The following ZNF266 variants were observed in gnomAD, a reference collection of about 807,000 sequenced individuals.
ZNF266 encodes zinc finger protein 1.
A neutral mutation model predicts 16.4 loss-of-function variants in ZNF266; 16 were observed. The observed-to-expected ratio is 0.98, with a 90% confidence interval of 0.66 to 1.48. The LOEUF is 1.48. Ranked by LOEUF, ZNF266 falls within the 40% of genes most tolerant of loss-of-function variation. ZNF266 has a pLI of 0.00. For missense variants in ZNF266, 738 were observed against 689.1 expected (o/e 1.07, Z -0.79); for synonymous variants, 262 against 237.9 (o/e 1.10, Z -0.93).
intron 10 of ZNF266, 47 bp downstream of exon 10, chr19:9,415,607 A>T (rs767836448): frequency 1.4e-6 from 2 of 1,461,416 alleles, no homozygotes; most frequent in East Asian, 4.6e-5. Context: ...TGGAATCCCC[A>T]ATCATCTCTA....
At chr19:9,422,837 T>C (rs1002646079) in intron 5 of ZNF266, among the ~76,000 whole-genome samples, 5 of 152,220 alleles carry the variant, frequency 3.3e-5, no homozygotes, top group Non-Finnish European at 7.3e-5. Context: ...GTTGACAAGA[T>C]GCATGCATAC....
At chr19:9,430,324 T>C (rs1317816448) in intron 5 of ZNF266, among the ~76,000 whole-genome samples, 2 of 152,078 alleles carry the variant, frequency 1.3e-5, no homozygotes, top group Admixed American at 6.6e-5. Flanking sequence ...GGGCTCAGAC[T>C]TTCCTGGATG....
At position 9,413,453 on chromosome 19, in the gene ZNF266, G is replaced by C; in HGVS notation, c.1673C>G (p.Pro558Arg). Residue 558 changes from proline (P) to arginine (R), a missense_variant, in exon 11 of 11, where the codon CCC becomes CGC. Pro to Arg is a moderately radical substitution (Grantham distance 103, BLOSUM62 -2). Coordinates refer to ENST00000592904, the MANE Select transcript of ZNF266 (RefSeq NM_001370374.1). ...LHMRIHTGEK[P>R]YKCKQCGKSF... ...TTTCCCACACTGTTTACATTTGTAG[G>C]GTTTTTCTCCAGTGTGGATCCGCAT... The C allele has an allele frequency of 6.2e-7, 1 of 1,614,098 alleles. No individual in the cohort carries two copies. The highest frequency in any genetic ancestry group is 8.5e-7 in the Non-Finnish European group (1 of 1,180,020).
chr19:9,423,941 G>A (rs2070318072), intron 5 of ZNF266, among the ~76,000 whole-genome samples: 2 of 152,142 alleles, frequency 1.3e-5, no homozygotes, highest in South Asian at 2.1e-4. Flanking sequence ...AGGTTGCAGT[G>A]AGCCGAGATT....
At chr19:9,424,902 C>T (rs1012931594) in intron 5 of ZNF266, among the ~76,000 whole-genome samples, 6 of 152,124 alleles carry the variant, frequency 3.9e-5, no homozygotes, top group Admixed American at 3.9e-4. Context: ...TTTAATTATT[C>T]CAAAGAAATT....
chr19:9,432,716 A>C (rs1010357703), intron 5 of ZNF266, among the ~76,000 whole-genome samples: 2 of 152,176 alleles, frequency 1.3e-5, no homozygotes, highest in Non-Finnish European at 2.9e-5. Flanking sequence ...ACATTTAAGA[A>C]AGACTAATAA....
At chr19:9,418,778 C>T in intron 7 of ZNF266, 147 bp from the exon 8 acceptor site, 1 of 552,808 alleles carries the variant, frequency 1.8e-6, no homozygotes, top group South Asian at 2.2e-5. Flanking sequence ...TCAGTCCCCT[C>T]CAGTGACACG....
intron 5 of ZNF266, among the ~76,000 whole-genome samples, chr19:9,428,845 C>A (rs888860168): frequency 6.6e-6 from 1 of 152,124 alleles, no homozygotes; most frequent in Admixed American, 6.6e-5. Context: ...TTATTCCCTT[C>A]AGAGTTACAG....
At chr19:9,430,869 CCTCT>C (rs1430161767) in intron 5 of ZNF266, among the ~76,000 whole-genome samples, 8 of 152,228 alleles carry the variant, frequency 5.3e-5, no homozygotes, top group Admixed American at 4.6e-4. Context: ...TCCCACAGGT[CCTCT>C]CTGTCTCATT....
At chr19:9,432,017 G>A (rs996367060) in intron 5 of ZNF266, among the ~76,000 whole-genome samples, 7 of 152,140 alleles carry the variant, frequency 4.6e-5, no homozygotes, top group East Asian at 1.9e-4. Context: ...GTGCAGTAGC[G>A]CAATCTCAGC....
chr19:9,422,380 C>G (rs559795012), intron 5 of ZNF266, among the ~76,000 whole-genome samples: 4 of 152,162 alleles, frequency 2.6e-5, no homozygotes, highest in Non-Finnish European at 4.4e-5. Flanking sequence ...TTAAAGTACA[C>G]CCAGACTACA....
chr19:9,412,433 C>T lies in ZNF266; in HGVS notation c.*842G>A, dbSNP rs1450223492. ...ATAGCTAATGAACGGAAAAAATAAT[C>T]ACAAAAAAATTTTATTATGTTTGAA... is the stretch of plus-strand genomic sequence containing the variant. On this transcript the variant is annotated 3_prime_UTR_variant, in exon 11 of 11. Transcript: ENST00000592904. Among the ~76,000 whole-genome samples, 1 of 152,122 alleles carries T rather than the reference C, an allele frequency of 6.6e-6. No homozygotes were observed. The highest frequency in any genetic ancestry group is 2.4e-5 in the African/African-American group (1 of 41,426).
chr19:9,413,448 T>C lies in ZNF266; in HGVS notation c.1678A>G (p.Lys560Glu). Residue 560 changes from lysine to glutamate, a missense_variant, in exon 11 of 11, where the codon AAA (lysine) becomes GAA (glutamate). By Grantham distance (56) the Lys-to-Glu change is moderately conservative. Coordinates refer to ENST00000592904, the MANE Select transcript of ZNF266 (RefSeq NM_001370374.1). ...MRIHTGEKPYKCKQCGKSFSY... is the reference protein window; with the variant it reads ...MRIHTGEKPYECKQCGKSFSY... The stretch of plus-strand genomic sequence containing the variant: ...AAGGATTTCCCACACTGTTTACATT[T>C]GTAGGGTTTTTCTCCAGTGTGGATC... 1 of 1,613,654 alleles carries C rather than the reference T, an allele frequency of 6.2e-7. No individual in the cohort carries two copies. Among genetic ancestry groups the C allele is most frequent in the Non-Finnish European group, 8.5e-7 (1 of 1,179,912 alleles).
intron 5 of ZNF266, among the ~76,000 whole-genome samples, chr19:9,429,037 GT>G (rs1426614022): frequency 1.3e-5 from 2 of 151,958 alleles, no homozygotes; most frequent in Non-Finnish European, 2.9e-5. Context: ...CCCAACCCAT[GT>G]TTCATTTCTT....
intron 9 of ZNF266, among the ~76,000 whole-genome samples, chr19:9,417,342 A>C (rs2069194159): frequency 6.6e-6 from 1 of 152,186 alleles, no homozygotes; most frequent in African/African-American, 2.4e-5. Flanking sequence ...ACTGCACTAC[A>C]GCCTGGGTGA....
chr19:9,424,427 G>C (rs546960532), intron 5 of ZNF266, among the ~76,000 whole-genome samples: 1 of 152,216 alleles, frequency 6.6e-6, no homozygotes, highest in South Asian at 2.1e-4. Context: ...CAGAGGATTC[G>C]GACTCTGGGC....
chr19:9,421,041 AT>A (rs2069795725), intron 5 of ZNF266, among the ~76,000 whole-genome samples: 1 of 152,066 alleles, frequency 6.6e-6, no homozygotes, highest in Non-Finnish European at 1.5e-5. Flanking sequence ...ATTTAATAAA[AT>A]TTATACAATT....
In ZNF266 at chr19:9,417,831, G is replaced by A; in HGVS notation, c.313C>T (p.Gln105Ter). 6.2e-7 allele frequency: 1 copy of A among 1,613,340 alleles called. No individual in the cohort carries two copies. Among genetic ancestry groups the A allele is most frequent in the South Asian group, 1.1e-5 (1 of 91,030 alleles). Residue 105 changes from glutamine to a stop codon, truncating the protein, a stop_gained, in exon 9 of 11, where the codon CAA (glutamine) becomes TAA (stop). Transcript: ENST00000592904. LOFTEE classifies it high-confidence loss of function. Reference sequence around the variant, plus strand: ...GCGGTCCTTTGTGAACACTCACCTTGGAAATCACCTCTCTGCACTGTCCTA... The same window carrying A: ...GCGGTCCTTTGTGAACACTCACCTTAGAAATCACCTCTCTGCACTGTCCTA... ...ESRTVQRGDF[Q>*]ASEWKVQLKT... is the part of the protein sequence containing the mutation.
chr19:9,431,575 G>A (rs2071595667), intron 5 of ZNF266, among the ~76,000 whole-genome samples: 1 of 152,232 alleles, frequency 6.6e-6, no homozygotes, highest in Non-Finnish European at 1.5e-5. Context: ...GTGTGCCCCA[G>A]AGGTGTGTTT....
Sources: gnomAD v4.1 joint callset for allele counts (sites outside exome capture counted in the v4.1 genomes callset) on GRCh38, gnomAD v4.1.1 for gene constraint, MANE v1.5 for transcripts, NCBI Gene and HGNC (gene_info 2026-07-23, HGNC 2026-07-21) for gene names.